The following DOCK3 variants were observed in gnomAD, a reference collection of about 807,000 sequenced individuals.
DOCK3 encodes the protein dedicator of cytokinesis 3, also known as dedicator of cytokinesis protein 3.
A neutral mutation model predicts 265.6 loss-of-function variants in DOCK3; 60 were observed. The ratio of observed to expected loss-of-function variants is 0.23; its 90% CI spans 0.18 to 0.28. DOCK3 has a LOEUF of 0.28. Ranked by LOEUF, DOCK3 falls within the 10% of genes least tolerant of loss-of-function variation. The pLI, the probability that DOCK3 is intolerant of heterozygous loss-of-function variation, is 1.00. For synonymous variants in DOCK3, 881 were observed against 938.0 expected (o/e 0.94, Z 1.11); for missense variants, 1,981 against 2,594.3 (o/e 0.76, Z 5.14).
intron 1 of DOCK3, among the ~76,000 whole-genome samples, chr3:50,712,524 G>A (rs2036840810): frequency 6.6e-6 from 1 of 152,118 alleles, no homozygotes; most frequent in African/African-American, 2.4e-5. Flanking sequence ...CTTTAGTAGA[G>A]TCGGGGTTTT....
intron 9 of DOCK3, among the ~76,000 whole-genome samples, chr3:51,122,802 C>T (rs150708452): frequency 4.8e-4 from 73 of 152,316 alleles, no homozygotes; most frequent in African/African-American, 1.7e-3. Flanking sequence ...TGACATCTGA[C>T]CTGGGTCTGC....
At chr3:51,270,069 C>T (rs1342187022) in intron 23 of DOCK3, among the ~76,000 whole-genome samples, 1 of 152,166 alleles carries the variant, frequency 6.6e-6, no homozygotes, top group Non-Finnish European at 1.5e-5. Context: ...CAAGAAACTA[C>T]CTTATGGTCT....
At chr3:51,200,183 G>A (rs1402082177) in intron 12 of DOCK3, among the ~76,000 whole-genome samples, 2 of 152,070 alleles carry the variant, frequency 1.3e-5, no homozygotes, top group Non-Finnish European at 2.9e-5. Flanking sequence ...AAGCTGGTTG[G>A]AGAATGACTT....
intron 2 of DOCK3, among the ~76,000 whole-genome samples, chr3:50,806,964 T>TG (rs1187855851): frequency 1.3e-5 from 2 of 152,068 alleles, no homozygotes; most frequent in Non-Finnish European, 2.9e-5. Flanking sequence ...TAGGGGATGG[T>TG]GGGGATCTTC....
At chr3:51,071,654 T>C (rs2081870764) in intron 6 of DOCK3, among the ~76,000 whole-genome samples, 1 of 152,180 alleles carries the variant, frequency 6.6e-6, no homozygotes, top group South Asian at 2.1e-4. Flanking sequence ...TTAGACAGTG[T>C]GGTTTGGTGG....
In DOCK3 at chr3:50,760,128, T is replaced by C. The variant is rs1160908554; in HGVS notation, c.38-18547T>C. Among the ~76,000 whole-genome samples the C allele has an allele frequency of 3.3e-5, 5 of 152,282 alleles. No individual in the cohort carries two copies. In the South Asian group the frequency reaches 6.2e-4, roughly 19 times the overall value. On this transcript the variant is annotated intron_variant, in intron 1 of 52. Transcript: ENST00000266037. ...TTTTCTTCTAAGAGTTTTACAGTTA[T>C]AGCTTTTACTTTTAAGTCTTTGAGC... is the stretch of plus-strand genomic sequence containing the variant.
intron 24 of DOCK3, among the ~76,000 whole-genome samples, chr3:51,271,851 GAA>G (rs766713829): frequency 1.8e-4 from 12 of 65,556 alleles, no homozygotes; most frequent in Non-Finnish European, 2.6e-4. Context: ...ACTGTCTCAG[GAA>G]AAAAAAAAAA....
intron 1 of DOCK3, among the ~76,000 whole-genome samples, chr3:50,763,182 A>AG (rs1559607215): frequency 6.6e-6 from 1 of 152,228 alleles, no homozygotes; most frequent in African/African-American, 2.4e-5. Context: ...TTGTTAAGTC[A>AG]GGGACCATCT....
At chr3:50,912,018 G>A (rs2049879943) in intron 4 of DOCK3, among the ~76,000 whole-genome samples, 1 of 152,036 alleles carries the variant, frequency 6.6e-6, no homozygotes, top group Non-Finnish European at 1.5e-5. Context: ...TTGGCAGGTT[G>A]ATGTTATATA....
chr3:51,341,139 C>T (rs536496545), intron 37 of DOCK3, 98 bp from the exon 38 acceptor site: 32 of 1,400,286 alleles, frequency 2.3e-5, no homozygotes, highest in Admixed American at 8.5e-5. Flanking sequence ...ACATGACTTG[C>T]GCTGGCATTC....
At chr3:50,692,788 A>G (rs943755253) in intron 1 of DOCK3, among the ~76,000 whole-genome samples, 2 of 152,114 alleles carry the variant, frequency 1.3e-5, no homozygotes, top group African/African-American at 4.8e-5. Context: ...CTTTGGTGAC[A>G]TATCTAAGAA....
In DOCK3 at chr3:50,678,680, C is replaced by T. The variant is rs138835577; in HGVS notation, c.37+3380C>T. 5.2e-3 allele frequency among the ~76,000 whole-genome samples: 796 copies of T among 152,054 alleles called. 16 individuals carry two copies. The East Asian group carries it at 0.059, about 11-fold the overall frequency. On this transcript the variant is annotated intron_variant, in intron 1 of 52. Coordinates refer to ENST00000266037, the MANE Select transcript of DOCK3 (RefSeq NM_004947.5). ...TTGAGAGGTGGGGTCCTGCTCTTGT[C>T]ATCCAGGCTGGAGTGCAGCGGCATG...
intron 1 of DOCK3, among the ~76,000 whole-genome samples, chr3:50,746,410 G>A (rs2039447173): frequency 3.9e-5 from 6 of 151,986 alleles, no homozygotes; most frequent in Admixed American, 3.3e-4. Flanking sequence ...CCCAGCGGAT[G>A]ATATCTAATT....
intron 43 of DOCK3, among the ~76,000 whole-genome samples, 156 bp from the exon 44 acceptor site, chr3:51,356,804 TAA>T (rs2110284627): frequency 6.6e-6 from 1 of 152,278 alleles, no homozygotes; most frequent in East Asian, 1.9e-4. Flanking sequence ...CAAGTGCCTA[TAA>T]ATCAGACAAC....
At chr3:50,961,399 G>A (rs1047118843) in intron 5 of DOCK3, among the ~76,000 whole-genome samples, 2 of 152,166 alleles carry the variant, frequency 1.3e-5, no homozygotes, top group Admixed American at 1.3e-4. Flanking sequence ...AAGTTCTAGG[G>A]CTGGTGGTGC....
At chr3:50,939,885 A>AT (rs1434848932) in intron 5 of DOCK3, among the ~76,000 whole-genome samples, 1 of 152,188 alleles carries the variant, frequency 6.6e-6, no homozygotes, top group Non-Finnish European at 1.5e-5. Flanking sequence ...AAAACGAGAG[A>AT]TATACAGATA....
chr3:51,287,437 C>T (rs2081469221), intron 27 of DOCK3, among the ~76,000 whole-genome samples: 1 of 151,982 alleles, frequency 6.6e-6, no homozygotes, highest in African/African-American at 2.4e-5. Flanking sequence ...GCCTGTTGTC[C>T]AAGCTATTTG....
intron 2 of DOCK3, among the ~76,000 whole-genome samples, chr3:50,830,399 C>A (rs1307807375): frequency 6.6e-6 from 1 of 152,146 alleles, no homozygotes; most frequent in Non-Finnish European, 1.5e-5. Context: ...GTCTCTACTT[C>A]CTGTGCAGCT....
At chr3:51,228,583 A>C in intron 17 of DOCK3, 78 bp from the exon 18 acceptor site, 1 of 1,486,474 alleles carries the variant, frequency 6.7e-7, no homozygotes, top group Non-Finnish European at 9.0e-7. Context: ...AGCAAGTATC[A>C]GCCCAGAAAT....
Sources: gnomAD v4.1 joint callset for allele counts (sites outside exome capture counted in the v4.1 genomes callset) on GRCh38, gnomAD v4.1.1 for gene constraint, MANE v1.5 for transcripts, NCBI Gene and HGNC (gene_info 2026-07-23, HGNC 2026-07-21) for gene names.